The following BICD1 variants were observed in gnomAD, a reference collection of about 807,000 sequenced individuals.
BICD1 encodes the protein BICD cargo adaptor 1, also known as protein bicaudal D homolog 1.
In BICD1, 35 loss-of-function variants were observed where a neutral mutation model predicts 92.5. The ratio of observed to expected loss-of-function variants is 0.38; its 90% CI spans 0.29 to 0.50. BICD1 has a LOEUF of 0.50. Ranked by LOEUF, BICD1 falls within the 20% of genes least tolerant of loss-of-function variation. The pLI is 0.93. For synonymous variants in BICD1, 429 were observed against 465.1 expected (o/e 0.92, Z 1.00); for missense variants, 950 against 1,189.8 (o/e 0.80, Z 2.97).
At chr12:32,229,328 C>T (rs924197296) in intron 2 of BICD1, among the ~76,000 whole-genome samples, 1 of 152,078 alleles carries the variant, frequency 6.6e-6, no homozygotes, top group Non-Finnish European at 1.5e-5. Flanking sequence ...TTGGTGAAAT[C>T]ACCAAGGGCA....
chr12:32,225,333 A>C (rs1022231212), intron 2 of BICD1, among the ~76,000 whole-genome samples: 1 of 152,152 alleles, frequency 6.6e-6, no homozygotes, highest in African/African-American at 2.4e-5. Flanking sequence ...GTATAGATAC[A>C]TTGTGGTTGC....
At chr12:32,126,358 T>C (rs1942338433) in intron 1 of BICD1, among the ~76,000 whole-genome samples, 1 of 151,934 alleles carries the variant, frequency 6.6e-6, no homozygotes. Flanking sequence ...ATCTTAAGAT[T>C]AGAATGAGAG....
intron 1 of BICD1, among the ~76,000 whole-genome samples, chr12:32,165,197 G>A (rs1176239027): frequency 1.3e-5 from 2 of 152,130 alleles, no homozygotes; most frequent in Non-Finnish European, 2.9e-5. Flanking sequence ...GAGATTCCAG[G>A]ATTTACTGGA....
At position 32,300,631 on chromosome 12, in the gene BICD1, A is replaced by ATTTTT. The variant is rs34219566; in HGVS notation, c.580-5041_580-5037dup. On this transcript the variant is annotated intron_variant, in intron 3 of 9. Coordinates refer to ENST00000652176, the MANE Select transcript of BICD1 (RefSeq NM_001714.4). ...GTTGAGAGGAAGATGACTTTACAGTATTTTTTTTTTTTTTTTTTTTTTTTT... is the reference window on the plus strand; with the variant it reads ...GTTGAGAGGAAGATGACTTTACAGTATTTTTTTTTTTTTTTTTTTTTTTTTTTTTT... Among the ~76,000 whole-genome samples, 20 of 80,588 alleles carry ATTTTT rather than the reference A, an allele frequency of 2.5e-4. 2 individuals carry two copies. The highest frequency in any genetic ancestry group is 4.0e-4 in the Non-Finnish European group (16 of 39,546). The allele number at this position is 80,588 out of a possible 152,430, so 52.9% of individuals were successfully genotyped here.
rs202146823 is a variant in BICD1, at chr12:32,122,501, A to C, written c.213+14957A>C. On this transcript the variant is annotated intron_variant, in intron 1 of 9. Coordinates refer to ENST00000652176, the MANE Select transcript of BICD1 (RefSeq NM_001714.4). ...AAGACTCCGTTTCAAAAAAAAAAAA[A>C]AACAAATAACAAAAAAAGAAGTAGA... 1.1e-3 allele frequency among the ~76,000 whole-genome samples: 170 copies of C among 151,950 alleles called. 5 individuals carry two copies. The East Asian group carries it at 0.024, about 21-fold the overall frequency.
intron 1 of BICD1, among the ~76,000 whole-genome samples, chr12:32,198,323 CATCTATCTATAT>C (rs1282291106): frequency 0.01 from 880 of 87,926 alleles, 39 homozygotes; most frequent in South Asian, 0.07. Flanking sequence ...GAATAATATG[CATCTATCTATAT>C]ATATATATAT....
chr12:32,245,193 T>A (rs555498901), intron 2 of BICD1, among the ~76,000 whole-genome samples: 1 of 152,272 alleles, frequency 6.6e-6, no homozygotes, highest in African/African-American at 2.4e-5. Context: ...TATATAACTC[T>A]ATGTGCTTTA....
Position 32,143,221 on chromosome 12 carries a change from C to G in BICD1, c.213+35677C>G, listed in dbSNP as rs551895738. On this transcript the variant is annotated intron_variant, in intron 1 of 9. Coordinates refer to ENST00000652176, the MANE Select transcript of BICD1 (RefSeq NM_001714.4). ...TATAAACCTGCTATTCATGTAGCCACCACCCAGATGAAGGAAATAGAATAT... is the reference window on the plus strand; with the variant it reads ...TATAAACCTGCTATTCATGTAGCCAGCACCCAGATGAAGGAAATAGAATAT... Among the ~76,000 whole-genome samples, 14 of 152,262 alleles carry G rather than the reference C, an allele frequency of 9.2e-5. No homozygotes were observed. In the South Asian group the frequency reaches 2.9e-3, roughly 32 times the overall value.
chr12:32,339,060 C>A, intron 8 of BICD1, 81 bp downstream of exon 8: 1 of 1,440,604 alleles, frequency 6.9e-7, no homozygotes, highest in Non-Finnish European at 9.0e-7. Flanking sequence ...CACTCAGGCT[C>A]ACCCAGCTGC....
At chr12:32,140,398 G>A (rs1490300942) in intron 1 of BICD1, among the ~76,000 whole-genome samples, 1 of 152,074 alleles carries the variant, frequency 6.6e-6, no homozygotes, top group East Asian at 1.9e-4. Flanking sequence ...TTTTTTCCAT[G>A]GCAGAGAAAT....
intron 1 of BICD1, chr12:32,108,609 T>C: frequency 1.5e-6 from 1 of 679,818 alleles, no homozygotes; most frequent in Non-Finnish European, 2.7e-6. Flanking sequence ...TGGCATATAA[T>C]ATCAAAAATC....
Position 32,327,714 on chromosome 12 carries a change from A to G in BICD1, c.1259A>G (p.Tyr420Cys), listed in dbSNP as rs774804835. Residue 420 changes from tyrosine (Y) to cysteine (C), a missense_variant, in exon 5 of 10, where the codon TAC becomes TGC. Tyr to Cys is a radical substitution (Grantham distance 194). This residue lies in a region of BICD1 where 309 missense variants were observed against 499.4 expected (regional missense o/e 0.62). Coordinates refer to ENST00000652176, the MANE Select transcript of BICD1 (RefSeq NM_001714.4). ...INGLEILECK[Y>C]RVAVTEVIDL... ...GGTTTAGAGATCCTTGAATGCAAAT[A>G]CAGGGTGGCAGTAACTGAGGTGATT... 1.2e-6 allele frequency: 2 copies of G among 1,614,192 alleles called. No homozygotes were observed. The highest frequency in any genetic ancestry group is 1.7e-6 in the Non-Finnish European group (2 of 1,180,034).
chr12:32,107,219 A>G lies in BICD1; in HGVS notation c.-113A>G. On this transcript the variant is annotated 5_prime_UTR_variant, in exon 1 of 10. Coordinates refer to ENST00000652176, the MANE Select transcript of BICD1 (RefSeq NM_001714.4). ...TCGCGCTGCTCATTCATCCGGCCGC[A>G]CTTTCTTTTCCGTTTCCACCCATCC... 9.7e-7 allele frequency: 1 copy of G among 1,034,390 alleles called. No individual in the cohort carries two copies. The highest frequency in any genetic ancestry group is 1.4e-6 in the Non-Finnish European group (1 of 715,070). The allele number at this position is 1,034,390 out of a possible 1,614,324, so 64.1% of individuals were successfully genotyped here.
chr12:32,210,146 A>C (rs780390006), intron 1 of BICD1, among the ~76,000 whole-genome samples: 48 of 152,158 alleles, frequency 3.2e-4, no homozygotes, highest in Non-Finnish European at 5.6e-4. Context: ...TTTTCCCAGA[A>C]CATAGCTGAA....
intron 1 of BICD1, among the ~76,000 whole-genome samples, chr12:32,119,413 C>T (rs1378786444): frequency 2.0e-5 from 3 of 152,154 alleles, no homozygotes; most frequent in Admixed American, 6.5e-5. Context: ...AAAACTACTG[C>T]TGCCTGGACC....
chr12:32,317,588 T>C (rs575651521), intron 4 of BICD1, among the ~76,000 whole-genome samples: 1 of 152,286 alleles, frequency 6.6e-6, no homozygotes, highest in East Asian at 1.9e-4. Flanking sequence ...TATGAGTTCA[T>C]TGTAGATCCT....
At chr12:32,350,779 C>T (rs958025070) in intron 8 of BICD1, among the ~76,000 whole-genome samples, 1 of 152,168 alleles carries the variant, frequency 6.6e-6, no homozygotes, top group African/African-American at 2.4e-5. Context: ...AGGAAAAGCA[C>T]AACTCAAAAT....
chr12:32,276,171 G>A (rs187328000), intron 2 of BICD1, among the ~76,000 whole-genome samples: 86 of 152,232 alleles, frequency 5.6e-4, no homozygotes, highest in African/African-American at 1.8e-3. Flanking sequence ...AAGATCCACC[G>A]CAGACCCCTG....
At chr12:32,232,075 T>G (rs1388387321) in intron 2 of BICD1, among the ~76,000 whole-genome samples, 1 of 151,716 alleles carries the variant, frequency 6.6e-6, no homozygotes, top group Non-Finnish European at 1.5e-5. Flanking sequence ...TATAGCAGCC[T>G]GATTTATAGT....
Sources: allele counts gnomAD v4.1 joint callset (sites outside exome capture counted in the v4.1 genomes callset), GRCh38; gene constraint gnomAD v4.1.1; regional missense constraint gnomAD v4.1.1; transcripts MANE v1.5; gene names NCBI Gene and HGNC (gene_info 2026-07-23, HGNC 2026-07-21).